The following NTNG1 variants were observed in gnomAD, a reference collection of about 807,000 sequenced individuals.
NTNG1 encodes the protein netrin G1.
A neutral mutation model predicts 54.0 loss-of-function variants in NTNG1; 16 were observed. The ratio of observed to expected loss-of-function variants is 0.30; its 90% confidence interval spans 0.20 to 0.45. The LOEUF is 0.45. Among genes scored for constraint, NTNG1 ranks in the 20% least tolerant of loss-of-function variants. The pLI, the probability that NTNG1 is intolerant of heterozygous loss-of-function variation, is 1.00. For missense variants in NTNG1, 530 were observed against 678.7 expected, an observed-to-expected ratio of 0.78 and a Z score of 2.43; for synonymous variants, 255 against 263.1, an observed-to-expected ratio of 0.97 and a Z score of 0.30.
intron 6 of NTNG1, among the ~76,000 whole-genome samples, chr1:107,434,774 T>C (rs1305039009): frequency 6.6e-6 from 1 of 152,146 alleles, no homozygotes; most frequent in Non-Finnish European, 1.5e-5. Flanking sequence ...TGCATGTTCT[T>C]CCTAATTTCA....
intron 7 of NTNG1, among the ~76,000 whole-genome samples, chr1:107,446,704 T>C (rs1221986464): frequency 6.6e-6 from 1 of 152,102 alleles, no homozygotes. Flanking sequence ...ACAGGAATAA[T>C]GTTATAACCC....
chr1:107,346,884 T>TAAAAAAAA (rs537482440), intron 3 of NTNG1, among the ~76,000 whole-genome samples: 5 of 97,130 alleles, frequency 5.1e-5, no homozygotes, highest in Admixed American at 1.2e-4. Flanking sequence ...TTTTCTATCC[T>TAAAAAAAA]AAAAAAAAAA....
At chr1:107,265,007 C>T (rs928694008) in intron 2 of NTNG1, among the ~76,000 whole-genome samples, 24 of 152,290 alleles carry the variant, frequency 1.6e-4, no homozygotes, top group South Asian at 4.1e-4. Flanking sequence ...CACCTCCCCC[C>T]GTCAGTGTTT....
chr1:107,369,113 T>A (rs1245309606), intron 3 of NTNG1, among the ~76,000 whole-genome samples: 1 of 152,210 alleles, frequency 6.6e-6, no homozygotes, highest in East Asian at 1.9e-4. Context: ...TCATTCCACT[T>A]TATTGATGTG....
At chr1:107,244,284 A>T (rs560172576) in intron 2 of NTNG1, among the ~76,000 whole-genome samples, 1 of 152,352 alleles carries the variant, frequency 6.6e-6, no homozygotes, top group African/African-American at 2.4e-5. Context: ...AAAAGTTTGA[A>T]TGATTTATTT....
At chr1:107,255,406 G>T (rs1040011179) in intron 2 of NTNG1, among the ~76,000 whole-genome samples, 2 of 152,188 alleles carry the variant, frequency 1.3e-5, no homozygotes, top group African/African-American at 4.8e-5. Flanking sequence ...GAGAGATGGA[G>T]TGGTTGTTTG....
intron 2 of NTNG1, among the ~76,000 whole-genome samples, chr1:107,290,978 T>TAC (rs1201406523): frequency 2.1e-5 from 3 of 145,824 alleles, no homozygotes; most frequent in African/African-American, 7.7e-5. Flanking sequence ...TATATATATA[T>TAC]ATATATACAC....
intron 2 of NTNG1, among the ~76,000 whole-genome samples, chr1:107,200,077 G>C (rs1658626594): frequency 6.6e-6 from 1 of 151,774 alleles, no homozygotes. Flanking sequence ...TCTTTAGCCA[G>C]ATATGTACTC....
rs1668684846 is a variant in NTNG1 at position 107,337,963 on chromosome 1, A to G, written c.887+13041A>G. 2.0e-5 allele frequency among the ~76,000 whole-genome samples: 3 copies of G among 151,976 alleles called. No homozygotes were observed. The South Asian group carries it at 6.2e-4, about 32-fold the overall frequency. On this transcript the variant is annotated intron_variant, in intron 3 of 7. Coordinates refer to ENST00000370068, the MANE Select transcript of NTNG1 (RefSeq NM_001113226.3). ...AGCGGTGAAGCACAGAGAGCAAGGG[A>G]GCTTAAGGGGCAGATATAATAATAG...
chr1:107,334,869 C>A (rs1451201759), intron 3 of NTNG1, among the ~76,000 whole-genome samples: 1 of 151,986 alleles, frequency 6.6e-6, no homozygotes, highest in Non-Finnish European at 1.5e-5. Context: ...GAGGACCATT[C>A]TGAGGACGGT....
intron 3 of NTNG1, among the ~76,000 whole-genome samples, chr1:107,351,565 A>G (rs1249735005): frequency 6.6e-6 from 1 of 152,184 alleles, no homozygotes; most frequent in African/African-American, 2.4e-5. Flanking sequence ...CCATGATCCA[A>G]TCACTTCCCA....
intron 7 of NTNG1, among the ~76,000 whole-genome samples, chr1:107,465,850 C>T (rs116658707): frequency 0.019 from 2,851 of 152,214 alleles, 96 homozygotes; most frequent in African/African-American, 0.065. Flanking sequence ...AACAATAATA[C>T]CTATGTACCA....
chr1:107,249,409 G>A (rs1662434258), intron 2 of NTNG1, among the ~76,000 whole-genome samples: 1 of 151,576 alleles, frequency 6.6e-6, no homozygotes, highest in African/African-American at 2.4e-5. Context: ...TTGAACCTGG[G>A]GTGCGGAGGT....
At chr1:107,271,587 A>G (rs1321177614) in intron 2 of NTNG1, among the ~76,000 whole-genome samples, 2 of 152,242 alleles carry the variant, frequency 1.3e-5, no homozygotes, top group African/African-American at 2.4e-5. Flanking sequence ...CTTCGTTACA[A>G]TAACAAACTG....
intron 2 of NTNG1, among the ~76,000 whole-genome samples, chr1:107,259,982 C>T (rs12074385): frequency 0.12 from 18,658 of 152,112 alleles, 1,552 homozygotes; most frequent in East Asian, 0.4. Context: ...GAGAGGGACA[C>T]CATAGAGCCG....
In NTNG1 at chr1:107,455,598, C is replaced by G. The variant is rs766646624; in HGVS notation, c.1390+18799C>G. The G allele has an allele frequency of 2.6e-5, 13 of 494,918 alleles. No individual in the cohort carries two copies. The East Asian group carries it at 7.5e-4, about 29-fold the overall frequency. The allele number at this position is 494,918 out of a possible 1,614,324, so 30.7% of individuals were successfully genotyped here. ...TATTCTCAGACAGGCAGGGCAACCA[C>G]AAAGTGACTCTACTCCACAGCTCTG... On this transcript the variant is annotated intron_variant, in intron 7 of 7. Transcript: ENST00000370068.
intron 2 of NTNG1, among the ~76,000 whole-genome samples, chr1:107,262,311 A>G (rs941832617): frequency 2.0e-5 from 3 of 152,224 alleles, no homozygotes; most frequent in African/African-American, 7.2e-5. Context: ...GGAGGCCAGA[A>G]TGGAGTCTTT....
At chr1:107,438,047 C>A (rs922631174) in intron 7 of NTNG1, among the ~76,000 whole-genome samples, 9 of 152,050 alleles carry the variant, frequency 5.9e-5, no homozygotes, top group African/African-American at 9.7e-5. Flanking sequence ...AAAATAAATT[C>A]TTCATGATGA....
At chr1:107,327,552 C>A (rs1467273098) in intron 3 of NTNG1, among the ~76,000 whole-genome samples, 1 of 152,106 alleles carries the variant, frequency 6.6e-6, no homozygotes, top group Non-Finnish European at 1.5e-5. Context: ...CCTTTCAAGG[C>A]TCTCATAAAT....
Sources: allele counts gnomAD v4.1 joint callset (sites outside exome capture counted in the v4.1 genomes callset), GRCh38; gene constraint gnomAD v4.1.1; transcripts MANE v1.5; gene names NCBI Gene and HGNC (gene_info 2026-07-23, HGNC 2026-07-21).